XRCC4: variants seen among roughly 807,000 people sequenced by gnomAD.
The protein encoded by XRCC4 is DNA repair protein XRCC4.
XRCC4 carries 28 observed loss-of-function variants against 39.1 expected under a neutral mutation model. The observed-to-expected ratio is 0.72, with a 90% CI of 0.53 to 0.98. The LOEUF is 0.98. XRCC4 is among the 50% of genes least tolerant of loss of function. The pLI is 0.00. For synonymous variants in XRCC4, 123 were observed against 126.4 expected, an observed-to-expected ratio of 0.97 and a Z score of 0.18; for missense variants, 350 against 376.4, an observed-to-expected ratio of 0.93 and a Z score of 0.58.
chr5:83,320,213 C>CGGGGGAG (rs1756009607), intron 7 of XRCC4, among the ~76,000 whole-genome samples: 1 of 97,292 alleles, frequency 1.0e-5, no homozygotes, highest in South Asian at 3.4e-4. Context: ...GTTGTGGGGT[C>CGGGGGAG]GGGGGAGGGG....
chr5:83,219,545 A>G (rs1452575856), intron 6 of XRCC4, among the ~76,000 whole-genome samples: 1 of 152,192 alleles, frequency 6.6e-6, no homozygotes, highest in East Asian at 1.9e-4. Context: ...AAGAGAAAGT[A>G]ACAGCATTCA....
chr5:83,101,743 TAGA>T (rs780671641), intron 1 of XRCC4, among the ~76,000 whole-genome samples: 7 of 152,074 alleles, frequency 4.6e-5, no homozygotes, highest in Non-Finnish European at 8.8e-5. Flanking sequence ...CTTGAATACT[TAGA>T]AGAAGAAGTT....
intron 1 of XRCC4, among the ~76,000 whole-genome samples, chr5:83,081,849 T>C (rs1744953807): frequency 2.0e-5 from 3 of 152,178 alleles, no homozygotes; most frequent in Non-Finnish European, 4.4e-5. Context: ...CCTCTGCATC[T>C]TCATTGGTAT....
intron 7 of XRCC4, among the ~76,000 whole-genome samples, chr5:83,334,962 G>T (rs1267356628): frequency 1.3e-5 from 2 of 151,880 alleles, no homozygotes; most frequent in African/African-American, 4.8e-5. Flanking sequence ...TTCACCTAAA[G>T]AATATTTATT....
intron 3 of XRCC4, among the ~76,000 whole-genome samples, chr5:83,134,738 AAATCTTG>A (rs1172144354): frequency 1.3e-5 from 2 of 152,162 alleles, no homozygotes; most frequent in Non-Finnish European, 2.9e-5. Flanking sequence ...TCTTCGCAAT[AAATCTTG>A]CTGCTGCTCA....
At chr5:83,189,286 C>CTT (rs928376078) in intron 3 of XRCC4, among the ~76,000 whole-genome samples, 1 of 150,840 alleles carries the variant, frequency 6.6e-6, no homozygotes, top group African/African-American at 2.4e-5. Flanking sequence ...GAGTTTTTTT[C>CTT]TTTTTTTTTG....
At chr5:83,156,931 C>G (rs775626002) in intron 3 of XRCC4, among the ~76,000 whole-genome samples, 211 of 152,074 alleles carry the variant, frequency 1.4e-3, no homozygotes, top group Non-Finnish European at 4.7e-4. Flanking sequence ...GTGCTGAAAC[C>G]ATGAGGATTT....
At chr5:83,330,954 C>A (rs1324465402) in intron 7 of XRCC4, among the ~76,000 whole-genome samples, 2 of 152,074 alleles carry the variant, frequency 1.3e-5, no homozygotes, top group East Asian at 1.9e-4. Flanking sequence ...TAAAATATTT[C>A]TTGGTATTAT....
At chr5:83,085,978 T>G (rs568437626) in intron 1 of XRCC4, among the ~76,000 whole-genome samples, 24 of 152,338 alleles carry the variant, frequency 1.6e-4, no homozygotes, top group Admixed American at 8.5e-4. Flanking sequence ...CAATCTTACA[T>G]TGTTTTGCGG....
At chr5:83,250,028 CA>C (rs918899522) in intron 6 of XRCC4, among the ~76,000 whole-genome samples, 1 of 151,934 alleles carries the variant, frequency 6.6e-6, no homozygotes, top group African/African-American at 2.4e-5. Flanking sequence ...ATGAAAATTT[CA>C]AAAATCCTTA....
intron 7 of XRCC4, among the ~76,000 whole-genome samples, chr5:83,324,525 A>G (rs1326938713): frequency 6.6e-6 from 1 of 152,280 alleles, no homozygotes; most frequent in East Asian, 1.9e-4. Context: ...GGAAAAGTAG[A>G]AAGTGTTGAT....
chr5:83,227,879 T>C (rs1445177142), intron 6 of XRCC4, among the ~76,000 whole-genome samples: 1 of 152,068 alleles, frequency 6.6e-6, no homozygotes, highest in African/African-American at 2.4e-5. Context: ...CGTAAAGAAT[T>C]ATCCCACTTG....
the XRCC4 span, among the ~76,000 whole-genome samples, chr5:83,362,290 T>G: frequency 9.2e-6 from 1 of 108,530 alleles, no homozygotes; most frequent in East Asian, 3.8e-4. Context: ...AAGTGCTATT[T>G]AGGCAAAAAA....
At chr5:83,132,286 T>G (rs1400813299) in intron 3 of XRCC4, among the ~76,000 whole-genome samples, 3 of 152,120 alleles carry the variant, frequency 2.0e-5, no homozygotes, top group African/African-American at 7.2e-5. Flanking sequence ...GTGGGTAACC[T>G]GACCTTTCTA....
chr5:83,178,557 C>CGT (rs1750065178), intron 3 of XRCC4, among the ~76,000 whole-genome samples: 1 of 152,054 alleles, frequency 6.6e-6, no homozygotes, highest in Non-Finnish European at 1.5e-5. Flanking sequence ...AAATAAAAAC[C>CGT]GTGACATGTC....
chr5:83,332,662 CTT>C (rs1246401067), intron 7 of XRCC4, among the ~76,000 whole-genome samples: 1 of 152,116 alleles, frequency 6.6e-6, no homozygotes, highest in Non-Finnish European at 1.5e-5. Flanking sequence ...ACGCCTAAAA[CTT>C]TGTTGTTTTG....
intron 7 of XRCC4, among the ~76,000 whole-genome samples, chr5:83,265,914 G>A (rs1028981360): frequency 1.3e-5 from 2 of 151,758 alleles, no homozygotes; most frequent in East Asian, 1.9e-4. Flanking sequence ...AGGCTATTAC[G>A]TACATTTAAA....
intron 2 of XRCC4, among the ~76,000 whole-genome samples, chr5:83,108,470 T>C (rs1331796609): frequency 6.6e-6 from 1 of 151,852 alleles, no homozygotes; most frequent in Non-Finnish European, 1.5e-5. Flanking sequence ...GAGAGGAAAA[T>C]AAGAGGATAT....
chr5:83,350,780 C>G (rs1033622950), intron 7 of XRCC4, among the ~76,000 whole-genome samples: 2 of 152,088 alleles, frequency 1.3e-5, no homozygotes, highest in Admixed American at 6.6e-5. Context: ...TTAGGTCCCT[C>G]TTGTCAATTT....
Sources: allele counts gnomAD v4.1 joint callset (sites outside exome capture counted in the v4.1 genomes callset), GRCh38; gene constraint gnomAD v4.1.1; transcripts MANE v1.5; gene names NCBI Gene and HGNC (gene_info 2026-07-23, HGNC 2026-07-21).